TMEM223: variants seen among roughly 807,000 people sequenced by gnomAD.
TMEM223 encodes the protein transmembrane protein 223.
TMEM223 carries 14 observed loss-of-function variants against 14.1 expected under a neutral mutation model. The observed-to-expected ratio is 0.99, with a 90% confidence interval of 0.66 to 1.55. The LOEUF (loss-of-function observed/expected upper bound fraction) is 1.55. Ranked by LOEUF, TMEM223 falls within the 40% of genes most tolerant of loss-of-function variation. The pLI, the probability that TMEM223 is intolerant of heterozygous loss-of-function variation, is 0.00. For missense variants in TMEM223, 346 were observed against 269.9 expected (o/e 1.28, Z -1.97); for synonymous variants, 145 against 120.5 (o/e 1.20, Z -1.33).
chr11:62,787,186 G>T (rs761942014), downstream of TMEM223: 2 of 1,585,528 alleles, frequency 1.3e-6, no homozygotes, highest in Non-Finnish European at 1.7e-6. Context: ...CGCGCCGTAC[G>T]GGCCTAGCCC....
intron 2 of TMEM223, chr11:62,772,192 C>T: frequency 2.2e-6 from 1 of 455,152 alleles, no homozygotes; most frequent in Non-Finnish European, 4.4e-6. Context: ...TGAAGTAATC[C>T]ATATAAAGCA....
chr11:62,782,608 G>C (rs909625669), downstream of TMEM223: 13 of 1,564,896 alleles, frequency 8.3e-6, no homozygotes, highest in Non-Finnish European at 1.0e-5. Flanking sequence ...GTGCTGTACA[G>C]ATGCTATTCT....
At chr11:62,789,850 T>G (rs768348551), downstream of TMEM223, 1 of 1,599,168 alleles carries the variant, frequency 6.3e-7, no homozygotes, top group South Asian at 1.1e-5. Flanking sequence ...TTTGAAATGG[T>G]CCCACTCCTG....
chr11:62,782,087 T>C (rs1233264649), intron 1 of TMEM223: 1 of 1,592,468 alleles, frequency 6.3e-7, no homozygotes. Context: ...CTCATGTCCC[T>C]GTAAGCTACC....
chr11:62,778,972 G>T (rs1228433307), intron 1 of TMEM223: 1 of 1,610,920 alleles, frequency 6.2e-7, no homozygotes. Context: ...AGGTGAGCGA[G>T]TGGGCCCAAG....
intron 1 of TMEM223, chr11:62,775,999 C>G: frequency 6.6e-7 from 1 of 1,520,668 alleles, no homozygotes; most frequent in Non-Finnish European, 8.9e-7. Context: ...CCTCCACCCT[C>G]GCTGATTTAT....
intron 1 of TMEM223, among the ~76,000 whole-genome samples, chr11:62,780,498 C>T (rs1590935433): frequency 6.7e-6 from 1 of 149,788 alleles, no homozygotes; most frequent in Non-Finnish European, 1.5e-5. Flanking sequence ...GCAACAAGAA[C>T]AAAACTTCAT....
In TMEM223 at chr11:62,791,792, G is replaced by T; in HGVS notation, c.203C>A (p.Ser68Tyr). 5 of 1,572,428 alleles carry T rather than the reference G, an allele frequency of 3.2e-6. No individual in the cohort carries two copies. The highest frequency in any genetic ancestry group is 4.3e-6 in the Non-Finnish European group (5 of 1,159,846). Residue 68 changes from serine to tyrosine, a missense_variant, in exon 1 of 2, where the codon TCC becomes TAC. Transcript: ENST00000307366. ...AGGCTGCACCGGAACCGGGGGCCGG[G>T]ACACGGCTGCCACAGCCATGGAAGC... Reference protein sequence around the residue: ...FWASMAVAAVSRPPVPVQPLD... With the variant: ...FWASMAVAAVYRPPVPVQPLD...
intron 1 of TMEM223, among the ~76,000 whole-genome samples, chr11:62,780,665 C>G (rs189803643): frequency 2.1e-4 from 32 of 151,732 alleles, no homozygotes; most frequent in African/African-American, 7.3e-4. Context: ...TGCGGTGGTT[C>G]ACGCCTGTAA....
At chr11:62,773,118 G>A (rs1256625171) in intron 2 of TMEM223, among the ~76,000 whole-genome samples, 5 of 151,400 alleles carry the variant, frequency 3.3e-5, no homozygotes, top group African/African-American at 4.9e-5. Context: ...TGGGATTACA[G>A]GCGTGAGCCA....
At chr11:62,789,151 C>G (rs943169631), downstream of TMEM223, 5 of 1,614,206 alleles carry the variant, frequency 3.1e-6, no homozygotes, top group Middle Eastern at 3.3e-4. Context: ...TCTTGGCCCT[C>G]TACTGCCTCC....
At chr11:62,786,288 T>A, downstream of TMEM223, 1 of 1,614,132 alleles carries the variant, frequency 6.2e-7, no homozygotes, top group Non-Finnish European at 8.5e-7. Context: ...TACCCACACC[T>A]GTCCACCTAC....
At chr11:62,779,988 T>C (rs1257679917) in intron 1 of TMEM223, among the ~76,000 whole-genome samples, 1 of 132,570 alleles carries the variant, frequency 7.5e-6, no homozygotes, top group Non-Finnish European at 1.6e-5. Flanking sequence ...TTTTTTTTTT[T>C]TTTTTTTTAG....
intron 1 of TMEM223, among the ~76,000 whole-genome samples, chr11:62,777,335 A>G (rs2084195021): frequency 6.6e-6 from 1 of 152,178 alleles, no homozygotes; most frequent in African/African-American, 2.4e-5. Context: ...TCAAAACAAA[A>G]AAAAGAAAAA....
chr11:62,774,901 A>AT (rs1326972411), intron 1 of TMEM223, among the ~76,000 whole-genome samples: 1 of 150,376 alleles, frequency 6.6e-6, no homozygotes, highest in East Asian at 2.0e-4. Context: ...CAAAAAAAAA[A>AT]AAAAAAAAAT....
rs1442229725 is a variant in TMEM223 at position 62,792,000 on chromosome 11, G to T, written c.-6C>A. 7.9e-6 allele frequency: 12 copies of T among 1,519,184 alleles called. No homozygotes were observed. Among genetic ancestry groups the T allele is most frequent in the Admixed American group, 4.1e-5 (2 of 48,270 alleles). 94.1% of individuals were successfully genotyped at this position (1,519,184 alleles called of 1,614,324 possible). ...CGCCTCCAAGGCGCCGCCATGGCCA[G>T]CCGACTTCCGGGGTGGGGCTTCCTG... On this transcript the variant is annotated 5_prime_UTR_variant, in exon 1 of 2. In the 5' UTR this introduces an upstream ATG that the reference lacks. Coordinates refer to ENST00000307366, the MANE Select transcript of TMEM223 (RefSeq NM_001080501.3).
At chr11:62,787,429 G>A (rs1239658911), downstream of TMEM223, 5 of 1,561,416 alleles carry the variant, frequency 3.2e-6, no homozygotes, top group African/African-American at 2.7e-5. Flanking sequence ...TGGTCAGGGC[G>A]CCATGGCGCT....
chr11:62,781,859 G>A, intron 1 of TMEM223: 3 of 1,589,810 alleles, frequency 1.9e-6, no homozygotes, highest in Non-Finnish European at 2.6e-6. Context: ...ACAATTTTCT[G>A]GTGGATCCAA....
downstream of TMEM223, chr11:62,782,533 A>C: frequency 8.7e-7 from 1 of 1,147,124 alleles, no homozygotes; most frequent in East Asian, 2.4e-5. Context: ...TTGGTTCTTC[A>C]GCCCTCAGGT....
Sources: gnomAD v4.1 joint callset for allele counts (sites outside exome capture counted in the v4.1 genomes callset) on GRCh38, gnomAD v4.1.1 for gene constraint, MANE v1.5 for transcripts, NCBI Gene and HGNC (gene_info 2026-07-23, HGNC 2026-07-21) for gene names.